Variants in CTNNA2 observed in about 807,000 individuals in gnomAD.
The protein encoded by CTNNA2 is catenin alpha 2.
A neutral mutation model predicts 101.0 loss-of-function variants in CTNNA2; 42 were observed. That is an observed-to-expected ratio of 0.42 (90% CI 0.32 to 0.54). CTNNA2 has a LOEUF of 0.54. Among genes scored for constraint, CTNNA2 ranks in the 20% least tolerant of loss-of-function variants. The probability of loss-of-function intolerance (pLI) is 0.14; values close to 1 mark genes in which losing one functional copy is unlikely to be tolerated. For synonymous variants in CTNNA2, 450 were observed against 456.4 expected, an observed-to-expected ratio of 0.99 and a Z score of 0.18; for missense variants, 871 against 1,223.1, an observed-to-expected ratio of 0.71 and a Z score of 4.29.
At chr2:80,404,469 T>C (rs958667711) in intron 8 of CTNNA2, among the ~76,000 whole-genome samples, 1 of 152,158 alleles carries the variant, frequency 6.6e-6, no homozygotes, top group Non-Finnish European at 1.5e-5. Context: ...TTGAATAAGG[T>C]TATAATCTCT....
At chr2:80,607,348 A>G (rs918999357) in intron 16 of CTNNA2, among the ~76,000 whole-genome samples, 3 of 151,894 alleles carry the variant, frequency 2.0e-5, no homozygotes, top group Non-Finnish European at 4.4e-5. Flanking sequence ...AGGCATCTCA[A>G]TTCCTCGGTA....
At chr2:80,100,087 G>A (rs1700451211) in intron 7 of CTNNA2, among the ~76,000 whole-genome samples, 2 of 151,016 alleles carry the variant, frequency 1.3e-5, no homozygotes, top group African/African-American at 4.9e-5. Context: ...CTGCCCCTAT[G>A]CCCAGCTACA....
chr2:80,201,711 G>T (rs1707225960), intron 7 of CTNNA2, among the ~76,000 whole-genome samples: 1 of 152,096 alleles, frequency 6.6e-6, no homozygotes, highest in African/African-American at 2.4e-5. Context: ...AAAGTGTTCA[G>T]CAAACATGCC....
chr2:80,356,879 T>C (rs929382670), intron 7 of CTNNA2, among the ~76,000 whole-genome samples: 1 of 152,188 alleles, frequency 6.6e-6, no homozygotes, highest in African/African-American at 2.4e-5. Context: ...AAATACCTTT[T>C]GGTATCAAGT....
intron 9 of CTNNA2, among the ~76,000 whole-genome samples, chr2:80,516,397 G>C (rs1344008153): frequency 6.6e-6 from 1 of 152,128 alleles, no homozygotes; most frequent in African/African-American, 2.4e-5. Flanking sequence ...GGGTACCTGT[G>C]CAGGCCAGGG....
chr2:80,636,258 C>A (rs1168669804), intron 18 of CTNNA2, among the ~76,000 whole-genome samples: 1 of 151,776 alleles, frequency 6.6e-6, no homozygotes, highest in African/African-American at 2.4e-5. Context: ...GACTTAGATG[C>A]TGAGATAAGG....
chr2:79,582,528 C>A (rs770229559), intron 1 of CTNNA2, among the ~76,000 whole-genome samples: 10 of 152,094 alleles, frequency 6.6e-5, no homozygotes, highest in Non-Finnish European at 1.3e-4. Context: ...GGAATATGGG[C>A]TTAAGAAAAC....
rs1359219205 is a variant in CTNNA2, at chr2:80,046,569, A to G, written c.1056+136772A>G. On this transcript the variant is annotated intron_variant, in intron 7 of 18. Transcript: ENST00000402739. ...TTACAGAACTCTATGTTCAAACAAT[A>G]TCTTAATTGGAAACCCATTATAAAA... Among the ~76,000 whole-genome samples, 6 of 152,118 alleles carry G rather than the reference A, an allele frequency of 3.9e-5. No homozygotes were observed. The East Asian group carries it at 1.2e-3, about 29-fold the overall frequency.
chr2:80,269,099 T>C (rs1673242151), intron 7 of CTNNA2, among the ~76,000 whole-genome samples: 1 of 152,230 alleles, frequency 6.6e-6, no homozygotes, highest in Non-Finnish European at 1.5e-5. Flanking sequence ...ATCCCATTTG[T>C]TGTGTTACAA....
At chr2:79,750,903 C>A (rs1671986462) in intron 3 of CTNNA2, among the ~76,000 whole-genome samples, 1 of 151,704 alleles carries the variant, frequency 6.6e-6, no homozygotes, top group African/African-American at 2.4e-5. Context: ...TAAGACTTAC[C>A]TAGGAGAAAC....
intron 2 of CTNNA2, among the ~76,000 whole-genome samples, chr2:79,212,111 G>T (rs944294687): frequency 6.6e-6 from 1 of 152,228 alleles, no homozygotes; most frequent in African/African-American, 2.4e-5. Flanking sequence ...GTTCAGCATA[G>T]CCCTGCCAGC....
At chr2:80,198,259 GGT>G (rs961663097) in intron 7 of CTNNA2, among the ~76,000 whole-genome samples, 8 of 152,064 alleles carry the variant, frequency 5.3e-5, no homozygotes, top group Non-Finnish European at 1.2e-4. Context: ...TTACGTCAGG[GGT>G]GTCTTCTGCT....
chr2:79,834,952 A>G (rs1679207287), intron 3 of CTNNA2, among the ~76,000 whole-genome samples: 1 of 151,998 alleles, frequency 6.6e-6, no homozygotes, highest in African/African-American at 2.4e-5. Context: ...ATCCACCCCT[A>G]TTTGTCATAT....
chr2:80,619,584 T>A (rs1462867296), intron 18 of CTNNA2, among the ~76,000 whole-genome samples: 1 of 151,956 alleles, frequency 6.6e-6, no homozygotes, highest in Non-Finnish European at 1.5e-5. Context: ...TCTTCTTTGT[T>A]TGGAAGATTT....
chr2:79,452,714 G>C (rs546188138), intron 4 of CTNNA2, among the ~76,000 whole-genome samples: 2 of 152,046 alleles, frequency 1.3e-5, no homozygotes, highest in South Asian at 2.1e-4. Context: ...AAATAATATA[G>C]AGCTTTCAAA....
At chr2:79,782,371 G>C (rs941436526) in intron 3 of CTNNA2, among the ~76,000 whole-genome samples, 1 of 151,980 alleles carries the variant, frequency 6.6e-6, no homozygotes, top group Admixed American at 6.6e-5. Flanking sequence ...CAAGTAGCTG[G>C]GATTACAGGT....
chr2:79,349,074 G>C (rs562322194), intron 3 of CTNNA2, among the ~76,000 whole-genome samples: 4 of 152,226 alleles, frequency 2.6e-5, no homozygotes, highest in Admixed American at 1.3e-4. Context: ...AACATTAACT[G>C]ACTCACCTTG....
intron 9 of CTNNA2, among the ~76,000 whole-genome samples, chr2:80,527,095 A>G (rs942209002): frequency 6.6e-6 from 1 of 152,242 alleles, no homozygotes; most frequent in African/African-American, 2.4e-5. Flanking sequence ...TCAAAACACA[A>G]GGTCTCACTC....
chr2:80,561,960 G>T (rs1693641350), intron 12 of CTNNA2, among the ~76,000 whole-genome samples: 1 of 151,612 alleles, frequency 6.6e-6, no homozygotes, highest in Non-Finnish European at 1.5e-5. Context: ...ACAGGCATGA[G>T]CCACCGCGCC....
Sources: allele counts gnomAD v4.1 joint callset (sites outside exome capture counted in the v4.1 genomes callset), GRCh38; gene constraint gnomAD v4.1.1; transcripts MANE v1.5; gene names NCBI Gene and HGNC (gene_info 2026-07-23, HGNC 2026-07-21).